The following WDR72 variants were observed in gnomAD, a reference collection of about 807,000 sequenced individuals.
The protein encoded by WDR72 is WD repeat domain 72, also known as WD repeat-containing protein 72.
WDR72 carries 120 observed loss-of-function variants against 124.2 expected under a neutral mutation model. The observed-to-expected ratio is 0.97, with a 90% CI of 0.83 to 1.12. The LOEUF (loss-of-function observed/expected upper bound fraction) is 1.12, where lower values mean the gene tolerates loss of function less well. Ranked by LOEUF, WDR72 falls within the 50% of genes most tolerant of loss-of-function variation. The pLI is 0.00. For missense variants in WDR72, 1,387 were observed against 1,278.8 expected, an observed-to-expected ratio of 1.08 and a Z score of -1.29; for synonymous variants, 452 against 441.7, an observed-to-expected ratio of 1.02 and a Z score of -0.29.
chr15:53,741,943 G>T (rs772097431), intron 1 of WDR72, among the ~76,000 whole-genome samples: 1 of 152,074 alleles, frequency 6.6e-6, no homozygotes, highest in Non-Finnish European at 1.5e-5. Flanking sequence ...GGCCAGGATG[G>T]TCTCAAACTC....
intron 18 of WDR72, among the ~76,000 whole-genome samples, chr15:53,580,548 C>T (rs994195240): frequency 3.3e-5 from 5 of 152,102 alleles, no homozygotes; most frequent in East Asian, 1.9e-4. Flanking sequence ...AATTCCTCTT[C>T]GTGCTTCAGC....
At chr15:53,626,863 T>C (rs1395645695) in intron 14 of WDR72, among the ~76,000 whole-genome samples, 2 of 152,186 alleles carry the variant, frequency 1.3e-5, no homozygotes, top group African/African-American at 2.4e-5. Flanking sequence ...CTCTCACTAC[T>C]ACAACCATAA....
intron 14 of WDR72, among the ~76,000 whole-genome samples, chr15:53,641,714 A>G (rs1485469905): frequency 1.1e-4 from 16 of 151,670 alleles, no homozygotes; most frequent in Non-Finnish European, 2.1e-4. Context: ...ATCTATTCCT[A>G]TTTATTTTCT....
intron 14 of WDR72, among the ~76,000 whole-genome samples, chr15:53,639,739 G>A (rs16966350): frequency 0.092 from 13,956 of 151,852 alleles, 1,614 homozygotes; most frequent in African/African-American, 0.28. Context: ...CATGCGGAAA[G>A]TGCCCTAACA....
At chr15:53,682,494 ATTAC>A (rs1337143829) in intron 13 of WDR72, among the ~76,000 whole-genome samples, 1 of 152,022 alleles carries the variant, frequency 6.6e-6, no homozygotes. Context: ...ACTCTTTCTT[ATTAC>A]TGTATTTTTG....
chr15:53,662,233 T>C (rs574043961), intron 14 of WDR72, among the ~76,000 whole-genome samples: 2 of 152,308 alleles, frequency 1.3e-5, no homozygotes, highest in Admixed American at 6.5e-5. Flanking sequence ...AAATCCTTTA[T>C]GACTCTGGCC....
At chr15:53,719,634 C>T (rs2017816546) in intron 3 of WDR72, among the ~76,000 whole-genome samples, 2 of 152,202 alleles carry the variant, frequency 1.3e-5, no homozygotes, top group Admixed American at 6.5e-5. Context: ...AACATTTTCT[C>T]TCACGCTCCC....
In WDR72 at chr15:53,615,558, C is replaced by T; in HGVS notation, c.2648G>A (p.Gly883Glu). The T allele has an allele frequency of 6.2e-7, 1 of 1,613,028 alleles. No individual in the cohort carries two copies. Residue 883 changes from glycine to glutamate, a missense_variant, in exon 15 of 20, where the codon GGA (glycine) becomes GAA (glutamate). Coordinates refer to ENST00000360509, the MANE Select transcript of WDR72 (RefSeq NM_182758.4). ...ATTATTTTCCAATCCTCTTGGAATT[C>T]CAACCTGATTTGGAAGAGTGGCTGT... is the stretch of plus-strand genomic sequence containing the variant. ...KYTATLPNQVGIPRGLENNCD... is the reference protein window; with the variant it reads ...KYTATLPNQVEIPRGLENNCD...
intron 14 of WDR72, among the ~76,000 whole-genome samples, chr15:53,617,745 C>T (rs2013826201): frequency 6.6e-6 from 1 of 151,730 alleles, no homozygotes; most frequent in African/African-American, 2.4e-5. Flanking sequence ...CATTCATTGG[C>T]CTATTAATTT....
At chr15:53,627,713 G>A (rs1443529859) in intron 14 of WDR72, among the ~76,000 whole-genome samples, 8 of 151,306 alleles carry the variant, frequency 5.3e-5, no homozygotes. Context: ...AATAAAGGAT[G>A]ACATATTGTG....
chr15:53,665,498 G>A, intron 14 of WDR72, 74 bp downstream of exon 14: 2 of 1,516,112 alleles, frequency 1.3e-6, no homozygotes, highest in Non-Finnish European at 1.8e-6. Context: ...TAAGTGCCAT[G>A]TATTTATGAA....
At chr15:53,541,413 C>A (rs1302784636) in intron 18 of WDR72, among the ~76,000 whole-genome samples, 2 of 151,708 alleles carry the variant, frequency 1.3e-5, no homozygotes, top group East Asian at 3.9e-4. Context: ...GGTATTCCAA[C>A]AGACCTGCAG....
At chr15:53,715,048 AG>A (rs1444731557) in intron 5 of WDR72, 144 bp downstream of exon 5, 1 of 870,162 alleles carries the variant, frequency 1.1e-6, no homozygotes, top group African/African-American at 1.7e-5. Context: ...TTTCTTGATC[AG>A]GTGTATTACA....
intron 13 of WDR72, among the ~76,000 whole-genome samples, chr15:53,678,454 C>G (rs974527427): frequency 3.3e-5 from 5 of 152,092 alleles, no homozygotes; most frequent in Admixed American, 3.3e-4. Flanking sequence ...TCTATAGAAC[C>G]ATTTCCTTTT....
chr15:53,590,138 A>G (rs956296723), intron 18 of WDR72, among the ~76,000 whole-genome samples: 1 of 152,034 alleles, frequency 6.6e-6, no homozygotes, highest in Admixed American at 6.6e-5. Flanking sequence ...TGATATTTAA[A>G]TGAGATTGTC....
intron 13 of WDR72, among the ~76,000 whole-genome samples, chr15:53,685,927 T>C (rs1419294544): frequency 7.3e-6 from 1 of 136,296 alleles, no homozygotes; most frequent in African/African-American, 2.9e-5. Context: ...AAGAAAAGAA[T>C]TTTCAACCCA....
chr15:53,687,863 C>A (rs1375279440), intron 13 of WDR72, among the ~76,000 whole-genome samples: 1 of 149,194 alleles, frequency 6.7e-6, no homozygotes, highest in East Asian at 2.0e-4. Context: ...GCTTATCCAC[C>A]ATGATCAAGT....
At chr15:53,760,022 T>C (rs1172248882), upstream of WDR72, among the ~76,000 whole-genome samples, 2 of 146,814 alleles carry the variant, frequency 1.4e-5, no homozygotes, top group Middle Eastern at 3.4e-3. Flanking sequence ...CAACCTTTTT[T>C]TTTTTTTTTT....
chr15:53,672,125 A>C (rs2016013088), intron 13 of WDR72, among the ~76,000 whole-genome samples: 1 of 152,110 alleles, frequency 6.6e-6, no homozygotes, highest in South Asian at 2.1e-4. Context: ...GATAAAATTA[A>C]CTTTACTTCT....
Sources: gnomAD v4.1 joint callset for allele counts (sites outside exome capture counted in the v4.1 genomes callset) on GRCh38, gnomAD v4.1.1 for gene constraint, MANE v1.5 for transcripts, NCBI Gene and HGNC (gene_info 2026-07-23, HGNC 2026-07-21) for gene names.